Variants in SFMBT2 observed in about 807,000 individuals in gnomAD.
The protein encoded by SFMBT2 is scm-like with four MBT domains protein 2.
In SFMBT2, 38 loss-of-function variants were observed where a neutral mutation model predicts 110.1. The observed-to-expected ratio is 0.35, with a 90% CI of 0.27 to 0.45. SFMBT2 has a LOEUF of 0.45. Among genes scored for constraint, SFMBT2 ranks in the 20% least tolerant of loss-of-function variants. The pLI, the probability that SFMBT2 is intolerant of heterozygous loss-of-function variation, is 1.00. For missense variants in SFMBT2, 1,011 were observed against 1,094.9 expected, an observed-to-expected ratio of 0.92 and a Z score of 1.08; for synonymous variants, 425 against 425.4, an observed-to-expected ratio of 1.00 and a Z score of 0.01.
intron 4 of SFMBT2, among the ~76,000 whole-genome samples, chr10:7,352,227 C>T (rs762454358): frequency 3.5e-4 from 54 of 152,200 alleles, no homozygotes; most frequent in Non-Finnish European, 7.3e-4. Flanking sequence ...CATCCACAGG[C>T]GGATTCTCCC....
chr10:7,370,923 G>T, intron 2 of SFMBT2: 1 of 326,274 alleles, frequency 3.1e-6, no homozygotes, highest in Non-Finnish European at 4.4e-6. Flanking sequence ...AAACCGACCA[G>T]CTGCCTGACA....
At chr10:7,315,057 A>AAAGAAAGG (rs1554802872) in intron 4 of SFMBT2, among the ~76,000 whole-genome samples, 12 of 135,590 alleles carry the variant, frequency 8.9e-5, no homozygotes, top group Non-Finnish European at 1.5e-4. Context: ...AGAAAGAAAG[A>AAAGAAAGG]AAGAAAGAAA....
At chr10:7,279,515 G>A (rs4748803) in intron 6 of SFMBT2, among the ~76,000 whole-genome samples, 56,204 of 152,050 alleles carry the variant, frequency 0.37, 11,779 homozygotes, top group East Asian at 0.74. Context: ...TGTGCATTCC[G>A]TGAGATGGAG....
At chr10:7,255,847 CTT>C (rs1244493459) in intron 7 of SFMBT2, among the ~76,000 whole-genome samples, 1 of 152,202 alleles carries the variant, frequency 6.6e-6, no homozygotes, top group African/African-American at 2.4e-5. Flanking sequence ...AAACCTGAAA[CTT>C]TTTGAGGGCC....
intron 4 of SFMBT2, among the ~76,000 whole-genome samples, chr10:7,302,144 C>G (rs1447560422): frequency 1.3e-5 from 2 of 152,206 alleles, no homozygotes; most frequent in African/African-American, 2.4e-5. Context: ...AAAATGCCCT[C>G]TTAATTCCAA....
chr10:7,196,465 A>G (rs947387061), intron 15 of SFMBT2, among the ~76,000 whole-genome samples: 1 of 152,074 alleles, frequency 6.6e-6, no homozygotes, highest in Non-Finnish European at 1.5e-5. Flanking sequence ...CACTTGCCAT[A>G]TATTTGTCCT....
At chr10:7,210,775 C>A (rs542489360) in intron 11 of SFMBT2, among the ~76,000 whole-genome samples, 1 of 152,334 alleles carries the variant, frequency 6.6e-6, no homozygotes, top group Non-Finnish European at 1.5e-5. Flanking sequence ...CGCAAAGCCT[C>A]CCTGGGTCAG....
intron 1 of SFMBT2, among the ~76,000 whole-genome samples, chr10:7,402,366 G>C (rs1588513700): frequency 6.6e-6 from 1 of 152,244 alleles, no homozygotes; most frequent in East Asian, 1.9e-4. Context: ...ATTCTATTCT[G>C]CCATCCATCG....
chr10:7,341,582 C>A (rs539484247), intron 4 of SFMBT2, among the ~76,000 whole-genome samples: 1 of 152,086 alleles, frequency 6.6e-6, no homozygotes, highest in Non-Finnish European at 1.5e-5. Flanking sequence ...TTTTTTAAAT[C>A]CATTTTTGGC....
chr10:7,366,460 G>A (rs914485166), intron 4 of SFMBT2, among the ~76,000 whole-genome samples: 4 of 148,700 alleles, frequency 2.7e-5, no homozygotes, highest in African/African-American at 7.4e-5. Flanking sequence ...ATAGAGCTCC[G>A]ATACCGTGAA....
chr10:7,220,340 T>C, intron 11 of SFMBT2, 71 bp downstream of exon 11: 1 of 1,329,928 alleles, frequency 7.5e-7, no homozygotes, highest in Non-Finnish European at 1.1e-6. Flanking sequence ...AGGGCTGCTT[T>C]CCTCCACACG....
chr10:7,164,791 A>ACACACACACACACC (rs773552968), intron 20 of SFMBT2, among the ~76,000 whole-genome samples: 26 of 110,726 alleles, frequency 2.3e-4, no homozygotes, highest in African/African-American at 7.3e-4. Context: ...ACACACACAC[A>ACACACACACACACC]CCATTTACAG....
intron 4 of SFMBT2, among the ~76,000 whole-genome samples, chr10:7,310,477 T>A (rs1661148190): frequency 6.6e-6 from 1 of 152,214 alleles, no homozygotes; most frequent in Non-Finnish European, 1.5e-5. Flanking sequence ...CAGACAGTGA[T>A]AAAGGGTACA....
chr10:7,275,060 G>A (rs1396989013), intron 7 of SFMBT2, among the ~76,000 whole-genome samples: 1 of 152,158 alleles, frequency 6.6e-6, no homozygotes, highest in Non-Finnish European at 1.5e-5. Context: ...AGCATACACA[G>A]GCTGGAACGC....
At chr10:7,232,872 A>T (rs1471222422) in intron 9 of SFMBT2, among the ~76,000 whole-genome samples, 1 of 152,160 alleles carries the variant, frequency 6.6e-6, no homozygotes, top group East Asian at 1.9e-4. Context: ...GAAATACACC[A>T]TGACTGCCTC....
chr10:7,396,879 A>C (rs894643361), intron 1 of SFMBT2, among the ~76,000 whole-genome samples: 2 of 130,102 alleles, frequency 1.5e-5, no homozygotes, highest in African/African-American at 2.8e-5. Context: ...GGGGAACATC[A>C]CACACTGGGG....
intron 4 of SFMBT2, among the ~76,000 whole-genome samples, chr10:7,357,725 C>T (rs984495486): frequency 6.6e-6 from 1 of 152,222 alleles, no homozygotes; most frequent in African/African-American, 2.4e-5. Flanking sequence ...AGACTTTGAA[C>T]TGAAGGTCGT....
intron 4 of SFMBT2, among the ~76,000 whole-genome samples, chr10:7,329,212 T>C (rs954999672): frequency 2.6e-5 from 4 of 152,042 alleles, no homozygotes; most frequent in African/African-American, 9.7e-5. Flanking sequence ...AGCGGACAGA[T>C]GGAAAAGACC....
At chr10:7,388,580 T>G (rs1845684077) in intron 1 of SFMBT2, among the ~76,000 whole-genome samples, 1 of 149,122 alleles carries the variant, frequency 6.7e-6, no homozygotes, top group African/African-American at 2.5e-5. Flanking sequence ...TTCACCATGT[T>G]GGCCAGGCTG....
Sources: allele counts gnomAD v4.1 joint callset (sites outside exome capture counted in the v4.1 genomes callset), GRCh38; gene constraint gnomAD v4.1.1; transcripts MANE v1.5; gene names NCBI Gene and HGNC (gene_info 2026-07-23, HGNC 2026-07-21).